HTRA3: variants seen among roughly 807,000 people sequenced by gnomAD.
The protein encoded by HTRA3 is HtrA serine peptidase 3.
Under a neutral mutation model 43.2 loss-of-function variants are expected in HTRA3, and 41 were observed. The ratio of observed to expected loss-of-function variants is 0.95; its 90% confidence interval spans 0.74 to 1.23. The LOEUF is 1.23. HTRA3 is among the 50% of genes most tolerant of loss of function. The probability of loss-of-function intolerance (pLI) is 0.00; values close to 1 mark genes in which losing one functional copy is unlikely to be tolerated. For synonymous variants in HTRA3, 295 were observed against 287.9 expected (o/e 1.02, Z -0.25); for missense variants, 628 against 647.1 (o/e 0.97, Z 0.32).
intron 8 of HTRA3, 60 bp downstream of exon 8, chr4:8,304,339 G>A (rs374382398): frequency 1.5e-5 from 20 of 1,374,154 alleles, no homozygotes; most frequent in East Asian, 4.6e-5. Flanking sequence ...CTGGGCTGGG[G>A]CTGCCCCACT....
At chr4:8,301,341 C>T (rs1336480025) in intron 6 of HTRA3, among the ~76,000 whole-genome samples, 5 of 151,980 alleles carry the variant, frequency 3.3e-5, no homozygotes, top group East Asian at 1.9e-4. Flanking sequence ...GTCACACTCT[C>T]AGCTTTATTA....
In HTRA3 at chr4:8,296,465, A is replaced by G; in HGVS notation, c.1051+2264A>G. 3.0e-6 allele frequency: 3 copies of G among 985,148 alleles called. No homozygotes were observed. The highest frequency in any genetic ancestry group is 3.6e-6 in the Non-Finnish European group (3 of 829,634). 61.0% of individuals were successfully genotyped at this position (985,148 alleles called of 1,614,324 possible). On this transcript the variant is annotated intron_variant, in intron 6 of 8. Transcript: ENST00000307358. The surrounding 1 kb of genome is among the most constrained non-coding windows in gnomAD (Gnocchi z 5.3). ...TCTCTTTTTTATTTAATAAAATCCA[A>G]TGATCCAAACCCAGTTAATCTAAAG...
chr4:8,292,011 C>A (rs995220564), intron 4 of HTRA3, among the ~76,000 whole-genome samples: 2 of 152,208 alleles, frequency 1.3e-5, no homozygotes, highest in Admixed American at 6.5e-5. Context: ...AGGGCCCCCC[C>A]AGGCCAGCAG....
At chr4:8,274,375 C>T (rs1408851748) in intron 1 of HTRA3, among the ~76,000 whole-genome samples, 2 of 151,698 alleles carry the variant, frequency 1.3e-5, no homozygotes, top group Non-Finnish European at 2.9e-5. Context: ...GGTGAGCACA[C>T]CCAGGGTCTC....
intron 1 of HTRA3, among the ~76,000 whole-genome samples, chr4:8,280,825 G>A (rs1712715395): frequency 1.3e-5 from 2 of 152,228 alleles, no homozygotes; most frequent in African/African-American, 4.8e-5. Flanking sequence ...TGTGGTTGGT[G>A]CCTGCGGGCC....
chr4:8,271,183 C>A (rs766800108), intron 1 of HTRA3, among the ~76,000 whole-genome samples: 2 of 151,856 alleles, frequency 1.3e-5, no homozygotes, highest in African/African-American at 2.4e-5. Context: ...CCATGGGGAG[C>A]ACCAACTGCC....
In HTRA3 at chr4:8,306,191, GC is replaced by G; in HGVS notation, c.*62del. The G allele has an allele frequency of 6.0e-6, 9 of 1,497,680 alleles. No homozygotes were observed. The highest frequency in any genetic ancestry group is 2.4e-5 in the East Asian group (1 of 42,324). 92.8% of individuals were successfully genotyped at this position (1,497,680 alleles called of 1,614,324 possible). On this transcript the variant is annotated 3_prime_UTR_variant, in exon 9 of 9. Coordinates refer to ENST00000307358, the MANE Select transcript of HTRA3 (RefSeq NM_053044.5). This position sits in a 1 kb window ranked among gnomAD's most constrained non-coding sequence, Gnocchi z 8.9. ...GAGCCTGCAGACAACGGAGGGCAGC[GC>G]CCCCCCGAGATCAGGACGAAGGACC...
At chr4:8,300,796 T>C (rs2153007096) in intron 6 of HTRA3, among the ~76,000 whole-genome samples, 1 of 152,174 alleles carries the variant, frequency 6.6e-6, no homozygotes, top group East Asian at 1.9e-4. Context: ...TTATTATTGA[T>C]TCACACTCTC....
At chr4:8,280,895 C>T (rs1416674203) in intron 1 of HTRA3, among the ~76,000 whole-genome samples, 1 of 152,172 alleles carries the variant, frequency 6.6e-6, no homozygotes, top group Non-Finnish European at 1.5e-5. Flanking sequence ...AGCCAACCCC[C>T]TAGGTCCCAG....
chr4:8,295,987 C>T lies in HTRA3; in HGVS notation c.1051+1786C>T, dbSNP rs1713440349. On this transcript the variant is annotated intron_variant, in intron 6 of 8. Transcript: ENST00000307358. The surrounding 1 kb of genome is among the most constrained non-coding windows in gnomAD (Gnocchi z 6.9). Reference sequence around the variant, plus strand: ...CCTTTTCCTGTTGGCTTCTAGGAAGCTCAGAGCTAGATTCAGGGGTGCACC... The same window carrying T: ...CCTTTTCCTGTTGGCTTCTAGGAAGTTCAGAGCTAGATTCAGGGGTGCACC... 8.3e-7 allele frequency: 1 copy of T among 1,198,630 alleles called. No homozygotes were observed. Among genetic ancestry groups the T allele is most frequent in the South Asian group, 4.3e-5 (1 of 23,248 alleles). The allele number at this position is 1,198,630 out of a possible 1,614,324, so 74.2% of individuals were successfully genotyped here.
chr4:8,296,383 C>T lies in HTRA3; in HGVS notation c.1051+2182C>T. 1 of 985,478 alleles carries T rather than the reference C, an allele frequency of 1.0e-6. No individual in the cohort carries two copies. The highest frequency in any genetic ancestry group is 1.2e-6 in the Non-Finnish European group (1 of 829,950). 61.0% of individuals were successfully genotyped at this position (985,478 alleles called of 1,614,324 possible). A position where few individuals can be genotyped will look rare whatever the true frequency, so the allele number is the denominator to read the frequency against. On this transcript the variant is annotated intron_variant, in intron 6 of 8. Coordinates refer to ENST00000307358, the MANE Select transcript of HTRA3 (RefSeq NM_053044.5). The surrounding 1 kb of genome is among the most constrained non-coding windows in gnomAD (Gnocchi z 5.3). ...TGAGGAGCCTGATAAACCTTAGCTG[C>T]ATGGCACACTTGCAATTTTAAAATC...
rs1286021224 is a variant in HTRA3, at chr4:8,291,420, G to A, written c.759G>A (p.Gly253=). The A allele has an allele frequency of 1.9e-6, 3 of 1,613,410 alleles. No individual in the cohort carries two copies. Among genetic ancestry groups the A allele is most frequent in the Non-Finnish European group, 2.5e-6 (3 of 1,180,038 alleles). ...LLGHSADLRP[G]EFVVAIGSPF... is the part of the protein sequence containing the mutation. The stretch of plus-strand genomic sequence containing the variant: ...GTCACTCGGCCGACCTGCGGCCTGG[G>A]GAGTTTGTGGTGGCCATCGGCAGTC... The change falls in exon 4 of 9, where the codon GGG becomes GGA. Residue 253 remains glycine (G), a synonymous_variant. Coordinates refer to ENST00000307358, the MANE Select transcript of HTRA3 (RefSeq NM_053044.5).
chr4:8,296,571 G>C lies in HTRA3; in HGVS notation c.1051+2370G>C. ...TATTCTCGTCTGGAGGTGGGGTGCA[G>C]AGGCCTCTGAGGGGCTTTCAGGGTA... On this transcript the variant is annotated intron_variant, in intron 6 of 8. Transcript: ENST00000307358. This position sits in a 1 kb window ranked among gnomAD's most constrained non-coding sequence, Gnocchi z 5.3. 1 of 973,680 alleles carries C rather than the reference G, an allele frequency of 1.0e-6. No homozygotes were observed. Among genetic ancestry groups the C allele is most frequent in the Non-Finnish European group, 1.2e-6 (1 of 819,336 alleles). 60.3% of individuals were successfully genotyped at this position (973,680 alleles called of 1,614,324 possible).
In HTRA3 at chr4:8,296,329, T is replaced by A. The variant is rs1169575606; in HGVS notation, c.1051+2128T>A. ...AATATCCCCTGTCCTCAGAGCTGTG[T>A]CCCCTCCCCAAGGACAGTGCAGACT... is the stretch of plus-strand genomic sequence containing the variant. On this transcript the variant is annotated intron_variant, in intron 6 of 8. Transcript: ENST00000307358. The surrounding 1 kb of genome is among the most constrained non-coding windows in gnomAD (Gnocchi z 5.3). 2 of 985,300 alleles carry A rather than the reference T, an allele frequency of 2.0e-6. No individual in the cohort carries two copies. Among genetic ancestry groups the A allele is most frequent in the Non-Finnish European group, 2.4e-6 (2 of 829,956 alleles). The allele number at this position is 985,300 out of a possible 1,614,324, so 61.0% of individuals were successfully genotyped here.
intron 1 of HTRA3, among the ~76,000 whole-genome samples, chr4:8,272,335 G>T (rs1277653865): frequency 6.6e-6 from 1 of 152,190 alleles, no homozygotes; most frequent in African/African-American, 2.4e-5. Context: ...GAAGGGAGGA[G>T]GAAAATAGTC....
intron 1 of HTRA3, among the ~76,000 whole-genome samples, chr4:8,280,704 A>G (rs1469139314): frequency 6.6e-6 from 1 of 151,142 alleles, no homozygotes; most frequent in Non-Finnish European, 1.5e-5. Context: ...GCTCTGCCGC[A>G]GTGGTTTGAT....
chr4:8,271,679 C>G (rs1712282582), intron 1 of HTRA3, among the ~76,000 whole-genome samples: 1 of 152,196 alleles, frequency 6.6e-6, no homozygotes, highest in Non-Finnish European at 1.5e-5. Flanking sequence ...GGGCTGCACT[C>G]TGCGGAAGGG....
chr4:8,295,411 C>T lies in HTRA3; in HGVS notation c.1051+1210C>T, dbSNP rs113318939. 6.6e-6 allele frequency among the ~76,000 whole-genome samples: 1 copy of T among 152,150 alleles called. No homozygotes were observed. Among genetic ancestry groups the T allele is most frequent in the Non-Finnish European group, 1.5e-5 (1 of 68,026 alleles). ...CCCACCCTGCCCACTCCTAGATTGCCATGAGCACCCATCTGGGAGAGGCCT... is the reference window on the plus strand; with the variant it reads ...CCCACCCTGCCCACTCCTAGATTGCTATGAGCACCCATCTGGGAGAGGCCT... On this transcript the variant is annotated intron_variant, in intron 6 of 8. Transcript: ENST00000307358. The surrounding 1 kb of genome is among the most constrained non-coding windows in gnomAD (Gnocchi z 6.9).
At chr4:8,273,998 C>A (rs1056220154) in intron 1 of HTRA3, among the ~76,000 whole-genome samples, 2 of 152,108 alleles carry the variant, frequency 1.3e-5, no homozygotes, top group African/African-American at 2.4e-5. Flanking sequence ...CCCCCTCCAT[C>A]CTCCCTTCCA....
Sources: allele counts gnomAD v4.1 joint callset (sites outside exome capture counted in the v4.1 genomes callset), GRCh38; gene constraint gnomAD v4.1.1; non-coding constraint Gnocchi (gnomAD v3.1); transcripts MANE v1.5; gene names NCBI Gene and HGNC (gene_info 2026-07-23, HGNC 2026-07-21).